ADARB2: variants seen among roughly 807,000 people sequenced by gnomAD.
The protein encoded by ADARB2 is inactive double-stranded RNA-specific editase B2.
In ADARB2, 25 loss-of-function variants were observed where a neutral mutation model predicts 62.2. The observed-to-expected ratio is 0.40, with a 90% CI of 0.29 to 0.56. The LOEUF (loss-of-function observed/expected upper bound fraction) is 0.56. Among genes scored for constraint, ADARB2 ranks in the 20% least tolerant of loss-of-function variants. The pLI is 0.43. For missense variants in ADARB2, 1,071 were observed against 1,077.4 expected (o/e 0.99, Z 0.08); for synonymous variants, 572 against 500.8 (o/e 1.14, Z -1.90).
intron 1 of ADARB2, among the ~76,000 whole-genome samples, chr10:1,512,062 T>A (rs1050161759): frequency 8.6e-5 from 13 of 151,976 alleles, no homozygotes; most frequent in African/African-American, 2.9e-4. Context: ...GGATGCTGTC[T>A]ACACTGTATA....
chr10:1,689,698 C>T (rs1303267597), intron 1 of ADARB2, among the ~76,000 whole-genome samples: 2 of 152,216 alleles, frequency 1.3e-5, no homozygotes, highest in Non-Finnish European at 2.9e-5. Flanking sequence ...CAGGCTTTTG[C>T]TCTCAAGAAA....
intron 1 of ADARB2, among the ~76,000 whole-genome samples, chr10:1,651,726 G>A (rs1588339059): frequency 6.6e-6 from 1 of 152,150 alleles, no homozygotes; most frequent in South Asian, 2.1e-4. Context: ...CTTACTGCCT[G>A]AGCGTGGTGG....
At chr10:1,220,364 A>ATGATGATGGTGATGGTGGTGG (rs1830683172) in intron 6 of ADARB2, among the ~76,000 whole-genome samples, 1 of 119,972 alleles carries the variant, frequency 8.3e-6, no homozygotes, top group Non-Finnish European at 1.8e-5. Flanking sequence ...GATGATGGTG[A>ATGATGATGGTGATGGTGGTGG]TGATGATGGT....
intron 1 of ADARB2, among the ~76,000 whole-genome samples, chr10:1,433,774 C>G (rs1830802775): frequency 6.6e-6 from 1 of 152,146 alleles, no homozygotes; most frequent in Non-Finnish European, 1.5e-5. Context: ...TTTAAAGGAT[C>G]AGTAGCAAGA....
chr10:1,278,698 T>G (rs1371233958), intron 3 of ADARB2, among the ~76,000 whole-genome samples: 3 of 152,082 alleles, frequency 2.0e-5, no homozygotes, highest in Non-Finnish European at 4.4e-5. Flanking sequence ...AGGTTTCCTA[T>G]TCCCCTGTTT....
At chr10:1,406,947 T>C (rs894883243) in intron 1 of ADARB2, among the ~76,000 whole-genome samples, 4 of 152,078 alleles carry the variant, frequency 2.6e-5, no homozygotes, top group African/African-American at 7.2e-5. Context: ...ATCCCCATCC[T>C]CCCCAGAAGC....
chr10:1,406,040 C>A (rs1832705781), intron 1 of ADARB2, among the ~76,000 whole-genome samples: 1 of 152,246 alleles, frequency 6.6e-6, no homozygotes. Context: ...CCAAGATACA[C>A]CCATTTATTA....
intron 1 of ADARB2, among the ~76,000 whole-genome samples, chr10:1,547,318 G>GTT (rs1832537629): frequency 6.9e-6 from 1 of 144,832 alleles, no homozygotes; most frequent in Non-Finnish European, 1.5e-5. Flanking sequence ...TGTGTTGGGG[G>GTT]AGAGAGAGGC....
intron 1 of ADARB2, among the ~76,000 whole-genome samples, chr10:1,400,771 G>A (rs1162226790): frequency 6.6e-6 from 1 of 152,106 alleles, no homozygotes; most frequent in African/African-American, 2.4e-5. Flanking sequence ...GTTCTTCTGC[G>A]TTCCACACGG....
At chr10:1,648,655 A>G (rs1276699920) in intron 1 of ADARB2, among the ~76,000 whole-genome samples, 3 of 152,148 alleles carry the variant, frequency 2.0e-5, no homozygotes, top group Non-Finnish European at 4.4e-5. Context: ...CAGCTCTGGT[A>G]CTCTTTGAGC....
chr10:1,698,262 A>AGG (rs1834773336), intron 1 of ADARB2, among the ~76,000 whole-genome samples: 2 of 152,182 alleles, frequency 1.3e-5, no homozygotes, highest in Admixed American at 1.3e-4. Flanking sequence ...CCTACACTGA[A>AGG]GATGCCACCC....
At chr10:1,385,076 G>A (rs997751240) in intron 1 of ADARB2, among the ~76,000 whole-genome samples, 30 of 152,134 alleles carry the variant, frequency 2.0e-4, no homozygotes, top group Admixed American at 1.8e-3. Context: ...CTTAAAACAA[G>A]CTTTGAAATC....
intron 3 of ADARB2, among the ~76,000 whole-genome samples, chr10:1,339,995 T>C (rs1295954986): frequency 2.0e-5 from 3 of 152,112 alleles, no homozygotes; most frequent in Non-Finnish European, 4.4e-5. Context: ...ATGCCACACC[T>C]GTGATTATCA....
intron 3 of ADARB2, chr10:1,291,501 A>G (rs2131811031): frequency 6.6e-6 from 1 of 152,392 alleles, no homozygotes; most frequent in East Asian, 1.9e-4. Flanking sequence ...TCCTCACAGC[A>G]AAACCACCAG....
chr10:1,564,343 T>C (rs539181567), intron 1 of ADARB2, among the ~76,000 whole-genome samples: 3 of 152,210 alleles, frequency 2.0e-5, no homozygotes, highest in Non-Finnish European at 4.4e-5. Context: ...TCAGGACATA[T>C]GCATGGGCAA....
chr10:1,573,176 T>C (rs1832963148), intron 1 of ADARB2, among the ~76,000 whole-genome samples: 1 of 152,194 alleles, frequency 6.6e-6, no homozygotes, highest in Non-Finnish European at 1.5e-5. Flanking sequence ...CTCTGTGTGC[T>C]TGTCTGGGGT....
intron 1 of ADARB2, chr10:1,557,026 G>C (rs2131983047): frequency 1.6e-5 from 6 of 368,168 alleles, no homozygotes; most frequent in South Asian, 1.0e-4. Context: ...TGAGTCCTGT[G>C]GTCATCACCA....
At chr10:1,225,849 C>A (rs10082461) in intron 6 of ADARB2, among the ~76,000 whole-genome samples, 5,275 of 152,104 alleles carry the variant, frequency 0.035, 306 homozygotes, top group African/African-American at 0.12. Flanking sequence ...AACATTTTTT[C>A]CTTCATTTCA....
At chr10:1,319,875 T>C (rs1750630922) in intron 3 of ADARB2, among the ~76,000 whole-genome samples, 1 of 152,222 alleles carries the variant, frequency 6.6e-6, no homozygotes, top group Admixed American at 6.5e-5. Flanking sequence ...AATATTTCCT[T>C]TGTATGGATT....
Sources: gnomAD v4.1 joint callset for allele counts (sites outside exome capture counted in the v4.1 genomes callset) on GRCh38, gnomAD v4.1.1 for gene constraint, MANE v1.5 for transcripts, NCBI Gene and HGNC (gene_info 2026-07-23, HGNC 2026-07-21) for gene names.